COQ3: variants seen among roughly 807,000 people sequenced by gnomAD.
COQ3 encodes coenzyme Q3, methyltransferase, also known as ubiquinone biosynthesis O-methyltransferase, mitochondrial.
Under a neutral mutation model 33.1 loss-of-function variants are expected in COQ3, and 29 were observed. The observed-to-expected ratio is 0.88, with a 90% CI of 0.65 to 1.19. COQ3 has a LOEUF of 1.19. Ranked by LOEUF, COQ3 falls within the 50% of genes most tolerant of loss-of-function variation. The probability of loss-of-function intolerance (pLI) is 0.00; values close to 1 mark genes in which losing one functional copy is unlikely to be tolerated. For missense variants in COQ3, 437 were observed against 430.7 expected, an observed-to-expected ratio of 1.01 and a Z score of -0.13; for synonymous variants, 173 against 157.8, an observed-to-expected ratio of 1.10 and a Z score of -0.72.
intron 1 of COQ3, among the ~76,000 whole-genome samples, chr6:99,384,884 G>GCAGATCAC (rs1214948111): frequency 6.6e-6 from 1 of 152,150 alleles, no homozygotes; most frequent in African/African-American, 2.4e-5. Context: ...GCTGAAGCAA[G>GCAGATCAC]CAGATCACCT....
intron 5 of COQ3, among the ~76,000 whole-genome samples, chr6:99,375,068 C>G (rs1368807147): frequency 6.6e-6 from 1 of 150,800 alleles, no homozygotes; most frequent in Non-Finnish European, 1.5e-5. Context: ...CTCCCGGGTT[C>G]AAGCAATTCT....
chr6:99,380,766 G>A (rs939934221), intron 2 of COQ3, among the ~76,000 whole-genome samples: 1 of 152,016 alleles, frequency 6.6e-6, no homozygotes, highest in Non-Finnish European at 1.5e-5. Context: ...AATTAGCTGG[G>A]CATGGTAGTG....
intron 5 of COQ3, among the ~76,000 whole-genome samples, chr6:99,372,510 C>T (rs930695343): frequency 2.6e-5 from 4 of 151,820 alleles, no homozygotes; most frequent in Admixed American, 6.6e-5. Context: ...CTCCACCTCC[C>T]GGGTTCAAGC....
chr6:99,371,785 T>G (rs1774152202), intron 5 of COQ3, among the ~76,000 whole-genome samples, 198 bp from the exon 6 acceptor site: 1 of 152,192 alleles, frequency 6.6e-6, no homozygotes, highest in African/African-American at 2.4e-5. Context: ...GCATTTTAGA[T>G]GTACTCAGTG....
intron 1 of COQ3, among the ~76,000 whole-genome samples, chr6:99,386,127 A>C (rs781350495): frequency 3.9e-5 from 6 of 152,086 alleles, no homozygotes; most frequent in Non-Finnish European, 8.8e-5. Context: ...AGAAATCAGA[A>C]AATGATAAAA....
intron 1 of COQ3, among the ~76,000 whole-genome samples, chr6:99,388,212 C>T (rs6905663): frequency 0.043 from 6,577 of 151,990 alleles, 392 homozygotes; most frequent in African/African-American, 0.14. Context: ...TCAAAGATTA[C>T]AAAGGCAACA....
chr6:99,371,718 T>A (rs1238403177), intron 5 of COQ3, 131 bp from the exon 6 acceptor site: 1 of 636,262 alleles, frequency 1.6e-6, no homozygotes, highest in African/African-American at 1.9e-5. Context: ...TATGTACGCA[T>A]AAAATATAAT....
chr6:99,376,139 A>G lies in COQ3; in HGVS notation c.530T>C (p.Val177Ala), dbSNP rs766574621. The change falls in exon 5 of 7, where the codon GTG (valine) becomes GCG (alanine). Residue 177 changes from valine to alanine, a missense_variant. By Grantham distance (64) the Val-to-Ala change is moderately conservative. Coordinates refer to ENST00000254759, the MANE Select transcript of COQ3 (RefSeq NM_017421.4). ...LGASVIGIDP[V>A]DENIKTAQCH... ...TTGTGCTGTTTTAATGTTCTCATCC[A>G]CAGGGTCGATTCCAATAACTGAAGC... 5 of 1,614,134 alleles carry G rather than the reference A, an allele frequency of 3.1e-6. No individual in the cohort carries two copies. The highest frequency in any genetic ancestry group is 3.4e-6 in the Non-Finnish European group (4 of 1,180,022).
At position 99,380,256 on chromosome 6, in the gene COQ3, A is replaced by G. The variant is rs1774429763; in HGVS notation, c.319T>C (p.Trp107Arg). Residue 107 changes from tryptophan to arginine, a missense_variant, in exon 3 of 7, where the codon TGG becomes CGG. By Grantham distance (101) the Trp-to-Arg change is moderately radical. Transcript: ENST00000254759. ...VKTFLALAHK[W>R]WDEQGVYAPL... ...GCATATACTCCTTGTTCATCCCACC[A>G]TTTGTGAGCCAGGGCCAAGAAGGTT... 1 of 1,613,984 alleles carries G rather than the reference A, an allele frequency of 6.2e-7. No individual in the cohort carries two copies. The highest frequency in any genetic ancestry group is 8.5e-7 in the Non-Finnish European group (1 of 1,180,012).
At position 99,378,105 on chromosome 6, in the gene COQ3, CATATATATAT is replaced by C. The variant is rs57039767; in HGVS notation, c.387-630_387-621del. 5.2e-3 allele frequency among the ~76,000 whole-genome samples: 403 copies of C among 77,434 alleles called. 4 individuals carry two copies. Among genetic ancestry groups the C allele is most frequent in the African/African-American group, 0.017 (270 of 15,764 alleles). 50.8% of individuals were successfully genotyped at this position (77,434 alleles called of 152,430 possible). A position where few individuals can be genotyped will look rare whatever the true frequency, so the allele number is the denominator to read the frequency against. ...ACACCTAACAGTATTGTAAACTAAA[CATATATATAT>C]ATATATATATATATATATATATATA... On this transcript the variant is annotated intron_variant, in intron 3 of 6. Transcript: ENST00000254759.
chr6:99,372,531 C>T (rs1019138583), intron 5 of COQ3, among the ~76,000 whole-genome samples: 3 of 151,904 alleles, frequency 2.0e-5, no homozygotes, highest in Non-Finnish European at 4.4e-5. Context: ...GATTCTCCTG[C>T]CTCAGCCTCC....
intron 1 of COQ3, among the ~76,000 whole-genome samples, chr6:99,389,929 C>G (rs2128473944): frequency 6.6e-6 from 1 of 152,196 alleles, no homozygotes; most frequent in East Asian, 1.9e-4. Context: ...GGCTGGCCAA[C>G]ATGGCATTAG....
chr6:99,384,005 A>T (rs183559171), intron 1 of COQ3, among the ~76,000 whole-genome samples, 181 bp from the exon 2 acceptor site: 1 of 152,074 alleles, frequency 6.6e-6, no homozygotes, highest in African/African-American at 2.4e-5. Flanking sequence ...GGCTCAAGCA[A>T]TCCTCCCGCC....
chr6:99,383,165 T>A (rs1422707215), intron 2 of COQ3: 1 of 152,156 alleles, frequency 6.6e-6, no homozygotes, highest in Non-Finnish European at 1.5e-5. Context: ...AGAGTTCAAG[T>A]ATTAATGCTG....
At chr6:99,384,161 T>A (rs751080601) in intron 1 of COQ3, among the ~76,000 whole-genome samples, 9 of 152,182 alleles carry the variant, frequency 5.9e-5, no homozygotes, top group Admixed American at 4.6e-4. Flanking sequence ...TGTCTCAACC[T>A]TCCAAAGTGC....
intron 1 of COQ3, among the ~76,000 whole-genome samples, chr6:99,392,231 G>A (rs1395941455): frequency 6.6e-6 from 1 of 152,060 alleles, no homozygotes; most frequent in African/African-American, 2.4e-5. Flanking sequence ...CCATGCTGAT[G>A]GTGAATAAAA....
At chr6:99,375,099 A>G (rs1774247257) in intron 5 of COQ3, among the ~76,000 whole-genome samples, 1 of 150,604 alleles carries the variant, frequency 6.6e-6, no homozygotes, top group South Asian at 2.1e-4. Context: ...CCTCCCAAGT[A>G]GCTGGGATTA....
chr6:99,375,848 AC>A lies in COQ3; in HGVS notation c.729+91del. The stretch of plus-strand genomic sequence containing the variant: ...TTCTCTACTATACCTTGCCTGCTGG[AC>A]TGCTAATGCATTATGGACCATTTTA... On this transcript the variant is annotated intron_variant, in intron 5 of 6. Transcript: ENST00000254759. 4 of 1,351,502 alleles carry A rather than the reference AC, an allele frequency of 3.0e-6. No individual in the cohort carries two copies. The South Asian group carries it at 5.1e-5, about 17-fold the overall frequency. The allele number at this position is 1,351,502 out of a possible 1,614,324, so 83.7% of individuals were successfully genotyped here. A position where few individuals can be genotyped will look rare whatever the true frequency, so the allele number is the denominator to read the frequency against.
intron 1 of COQ3, among the ~76,000 whole-genome samples, chr6:99,391,396 T>C (rs1774825771): frequency 6.6e-6 from 1 of 151,926 alleles, no homozygotes; most frequent in Admixed American, 6.6e-5. Flanking sequence ...TCGGCCAGGC[T>C]TTTGTTCATT....
Sources: gnomAD v4.1 joint callset for allele counts (sites outside exome capture counted in the v4.1 genomes callset) on GRCh38, gnomAD v4.1.1 for gene constraint, MANE v1.5 for transcripts, NCBI Gene and HGNC (gene_info 2026-07-23, HGNC 2026-07-21) for gene names.